Variants in SBNO2 observed in about 807,000 individuals in gnomAD.
The protein encoded by SBNO2 is strawberry notch homolog 2, also known as protein strawberry notch homolog 2.
Under a neutral mutation model 146.3 loss-of-function variants are expected in SBNO2, and 89 were observed. The observed-to-expected ratio is 0.61, with a 90% CI of 0.51 to 0.73. SBNO2 has a LOEUF of 0.73. Ranked by LOEUF, SBNO2 falls within the 30% of genes least tolerant of loss-of-function variation. SBNO2 has a pLI of 0.00. For synonymous variants in SBNO2, 1,147 were observed against 892.6 expected (o/e 1.29, Z -5.08); for missense variants, 2,092 against 2,003.7 (o/e 1.04, Z -0.84).
chr19:1,109,880 A>G lies in SBNO2; in HGVS notation c.3029-103T>C. 1.3e-6 allele frequency: 1 copy of G among 776,364 alleles called. No individual in the cohort carries two copies. Among genetic ancestry groups the G allele is most frequent in the Non-Finnish European group, 2.0e-6 (1 of 488,298 alleles). 48.1% of individuals were successfully genotyped at this position (776,364 alleles called of 1,614,324 possible). A position where few individuals can be genotyped will look rare whatever the true frequency, so the allele number is the denominator to read the frequency against. ...GGCGCACCCTAGAGACGACCCCCCG[A>G]GAGCACAGGAGAGGGTGTCCTGGAT... On this transcript the variant is annotated intron_variant, in intron 26 of 31. Transcript: ENST00000361757. This position sits in a 1 kb window ranked among gnomAD's most constrained non-coding sequence, Gnocchi z 4.2.
rs772992512 is a variant in SBNO2, at chr19:1,150,996, C to T, written c.94-1554G>A. Reference sequence around the variant, plus strand: ...GCAGCCTGGGCACCCTGAGCTCCTGCACCCGTGAGAAGACCCCGTGCAAGT... The same window carrying T: ...GCAGCCTGGGCACCCTGAGCTCCTGTACCCGTGAGAAGACCCCGTGCAAGT... On this transcript the variant is annotated intron_variant, in intron 2 of 31. Transcript: ENST00000361757. The surrounding 1 kb of genome is among the most constrained non-coding windows in gnomAD (Gnocchi z 6.2). 2.6e-5 allele frequency among the ~76,000 whole-genome samples: 4 copies of T among 152,384 alleles called. No individual in the cohort carries two copies. Among genetic ancestry groups the T allele is most frequent in the Non-Finnish European group, 5.9e-5 (4 of 68,032 alleles).
rs775972341 is a variant in SBNO2 at position 1,109,420 on chromosome 19, G to T, written c.3220C>A (p.Arg1074Ser). Residue 1074 changes from arginine to serine, a missense_variant, in exon 29 of 32, where the codon CGC becomes AGC. Transcript: ENST00000361757. This position sits in a 1 kb window ranked among gnomAD's most constrained non-coding sequence, Gnocchi z 4.2. The stretch of plus-strand genomic sequence containing the variant: ...AGCAGGCAGCTGGGCTTGTTACCGC[G>T]GACCTGCGGAGGGGGGCGTTGAGGC... ...YDGFYLSYKV[R>S]GNKPSCLLAE... The T allele has an allele frequency of 5.8e-6, 9 of 1,564,532 alleles. No homozygotes were observed. The South Asian group carries it at 5.8e-5, about 10-fold the overall frequency.
chr19:1,171,682 C>A (rs1025628189), intron 1 of SBNO2, among the ~76,000 whole-genome samples: 2 of 152,146 alleles, frequency 1.3e-5, no homozygotes, highest in South Asian at 4.1e-4. Context: ...TCCGTGACTC[C>A]GCTGGAGCCG....
intron 1 of SBNO2, among the ~76,000 whole-genome samples, chr19:1,167,490 C>A (rs1294057490): frequency 6.6e-6 from 1 of 152,330 alleles, no homozygotes; most frequent in East Asian, 1.9e-4. Context: ...TGGGCTGAGG[C>A]CCCACTTCCC....
In SBNO2 at chr19:1,117,507, G is replaced by T; in HGVS notation, c.1528-8C>A. 1 of 1,570,900 alleles carries T rather than the reference G, an allele frequency of 6.4e-7. No individual in the cohort carries two copies. The highest frequency in any genetic ancestry group is 8.6e-7 in the Non-Finnish European group (1 of 1,159,976). On this transcript the variant is annotated splice_region_variant and splice_polypyrimidine_tract_variant and intron_variant, in intron 14 of 31. Coordinates refer to ENST00000361757, the MANE Select transcript of SBNO2 (RefSeq NM_014963.3). ...GTTCAGGGCCTCGGCCCACTGCAAT[G>T]ACACGTCACAAGGCGCCCCTGAGCT...
Position 1,140,433 on chromosome 19 carries a change from T to G in SBNO2, c.279+6876A>C, listed in dbSNP as rs79829474. ...CACCCACCAGGGACATTGAGCCTGA[T>G]GGCTTCGCGCCAACCTGGAGACGGA... On this transcript the variant is annotated intron_variant, in intron 4 of 31. Transcript: ENST00000361757. This position sits in a 1 kb window ranked among gnomAD's most constrained non-coding sequence, Gnocchi z 4.4. Among the ~76,000 whole-genome samples, 13,692 of 152,166 alleles carry G rather than the reference T, an allele frequency of 0.09. 765 individuals carry two copies. Among genetic ancestry groups the G allele is most frequent in the East Asian group, 0.14 (745 of 5,174 alleles).
Position 1,157,350 on chromosome 19 carries a change from T to A in SBNO2, c.-126-2948A>T, listed in dbSNP as rs1403825132. On this transcript the variant is annotated intron_variant, in intron 1 of 31. Transcript: ENST00000361757. This position sits in a 1 kb window ranked among gnomAD's most constrained non-coding sequence, Gnocchi z 6.8. ...CTGCCACGCAGCCCCGGAGACGCTC[T>A]CCCCACGCGGCCCCGGAGACCCTCT... Among the ~76,000 whole-genome samples the A allele has an allele frequency of 1.3e-5, 2 of 150,264 alleles. No homozygotes were observed. The highest frequency in any genetic ancestry group is 3.0e-5 in the Non-Finnish European group (2 of 67,758).
In SBNO2 at chr19:1,117,471, T is replaced by C. The variant is rs776595068; in HGVS notation, c.1556A>G (p.Gln519Arg). Reference sequence around the variant, plus strand: ...CTCCAGGCCGATCCAGTCGGCCGCCTGCTGGAACACGTTCAGGGCCTCGGC... The same window carrying C: ...CTCCAGGCCGATCCAGTCGGCCGCCCGCTGGAACACGTTCAGGGCCTCGGC... ...LWAEALNVFQ[Q>R]AADWIGLESR... Residue 519 changes from glutamine to arginine, a missense_variant, in exon 15 of 32, where the codon CAG (glutamine) becomes CGG (arginine). Transcript: ENST00000361757. The C allele has an allele frequency of 2.5e-6, 4 of 1,587,534 alleles. No individual in the cohort carries two copies. The East Asian group carries it at 9.3e-5, about 37-fold the overall frequency.
At position 1,113,846 on chromosome 19, in the gene SBNO2, C is replaced by T. The variant is rs115170339; in HGVS notation, c.2078-142G>A. On this transcript the variant is annotated intron_variant, in intron 18 of 31. Coordinates refer to ENST00000361757, the MANE Select transcript of SBNO2 (RefSeq NM_014963.3). ...GGCAGGGTGGCGGGGAAGCCCGGCA[C>T]CGTGGCCCAGGACTGCTTTTCTGCA... 6,434 of 1,144,796 alleles carry T rather than the reference C, an allele frequency of 5.6e-3. 284 individuals carry two copies. In the African/African-American group the frequency reaches 0.095, roughly 17 times the overall value. 70.9% of individuals were successfully genotyped at this position (1,144,796 alleles called of 1,614,324 possible).
Position 1,111,036 on chromosome 19 carries a change from C to A in SBNO2, c.2867G>T (p.Cys956Phe). The A allele has an allele frequency of 1.3e-6, 2 of 1,577,436 alleles. No individual in the cohort carries two copies. The highest frequency in any genetic ancestry group is 1.7e-6 in the Non-Finnish European group (2 of 1,162,436). ...GCACTCACCCTTCTCCACGTCCAGG[C>A]AGCCATTCCGGGACTCCCGGCCACC... is the stretch of plus-strand genomic sequence containing the variant. ...GIGGRESRNGCLDVEKDCSIT... is the reference protein window; with the variant it reads ...GIGGRESRNGFLDVEKDCSIT... The change falls in exon 25 of 32, where the codon TGC (cysteine) becomes TTC (phenylalanine). Residue 956 changes from cysteine (C) to phenylalanine (F), a missense_variant. Coordinates refer to ENST00000361757, the MANE Select transcript of SBNO2 (RefSeq NM_014963.3).
chr19:1,115,699 G>A, intron 17 of SBNO2: 1 of 461,066 alleles, frequency 2.2e-6, no homozygotes, highest in Non-Finnish European at 3.9e-6. Flanking sequence ...GGCTCCCCAA[G>A]GGACCGTGGA....
At chr19:1,142,125 C>T (rs2080144724) in intron 4 of SBNO2, among the ~76,000 whole-genome samples, 1 of 110,372 alleles carries the variant, frequency 9.1e-6, no homozygotes, top group Admixed American at 8.8e-5. Context: ...ATGATCAACC[C>T]TCCCTCAATG....
chr19:1,164,419 A>AGGAGGAC (rs2080382777), intron 1 of SBNO2, among the ~76,000 whole-genome samples: 1 of 9,990 alleles, frequency 1.0e-4, no homozygotes, highest in Non-Finnish European at 2.2e-4. Flanking sequence ...AGGAGGAGGA[A>AGGAGGAC]CAGGAGGAGG....
intron 16 of SBNO2, 84 bp from the exon 17 acceptor site, chr19:1,116,187 G>C: frequency 7.9e-7 from 1 of 1,257,902 alleles, no homozygotes; most frequent in Non-Finnish European, 1.1e-6. Context: ...CGCACCCCTG[G>C]GTCCCTGTGG....
chr19:1,122,492 G>C lies in SBNO2; in HGVS notation c.981C>G (p.Gly327=). The C allele has an allele frequency of 2.5e-6, 4 of 1,573,616 alleles. No individual in the cohort carries two copies. The highest frequency in any genetic ancestry group is 3.4e-6 in the Non-Finnish European group (4 of 1,161,692). ...CCTTGCTGAGCGCGTGCACCGCGATGCCCGTGGCTTCGATGTCCCGCAGGT... is the reference window on the plus strand; with the variant it reads ...CCTTGCTGAGCGCGTGCACCGCGATCCCCGTGGCTTCGATGTCCCGCAGGT... ...ERDLRDIEAT[G]IAVHALSKIK... The change falls in exon 10 of 32, where the codon GGC becomes GGG. Residue 327 remains glycine, a synonymous_variant. Coordinates refer to ENST00000361757, the MANE Select transcript of SBNO2 (RefSeq NM_014963.3).
chr19:1,127,670 C>A lies in SBNO2; in HGVS notation c.375G>T (p.Pro125=), dbSNP rs199745276. Residue 125 remains proline (P), a synonymous_variant, in exon 5 of 32, where the codon CCG becomes CCT. Transcript: ENST00000361757. ...TGGACACCTGGTTGAGGCTGTCAGC[C>A]GGCAGGAAGTCGGGCGTGTCCACGA... ...SDIVDTPDFL[P]ADSLNQVSTI... 804 of 1,613,498 alleles carry A rather than the reference C, an allele frequency of 5.0e-4. 1 individual carries two copies. Among genetic ancestry groups the A allele is most frequent in the Non-Finnish European group, 5.4e-4 (632 of 1,179,862 alleles).
Position 1,116,892 on chromosome 19 carries a change from G to C in SBNO2, c.1739C>G (p.Ala580Gly). The C allele has an allele frequency of 6.4e-7, 1 of 1,573,876 alleles. No homozygotes were observed. The highest frequency in any genetic ancestry group is 1.2e-5 in the South Asian group (1 of 86,632). ...VVIGLQSTGE[A>G]RTREVLGEND... is the part of the protein sequence containing the mutation. ...CTCCCCCAGCACCTCCCGCGTGCGCGCCTCGCCCGTGGACTGCAGCCCGAT... is the reference window on the plus strand; with the variant it reads ...CTCCCCCAGCACCTCCCGCGTGCGCCCCTCGCCCGTGGACTGCAGCCCGAT... Residue 580 changes from alanine to glycine, a missense_variant, in exon 16 of 32, where the codon GCG becomes GGG. By Grantham distance (60) the Ala-to-Gly change is moderately conservative. Transcript: ENST00000361757.
chr19:1,119,457 G>T (rs925974487), intron 13 of SBNO2, 59 bp downstream of exon 13: 19 of 1,334,678 alleles, frequency 1.4e-5, no homozygotes, highest in African/African-American at 1.3e-4. Flanking sequence ...GGGCTGATGG[G>T]CCTGAGGCCT....
In SBNO2 at chr19:1,151,259, C is replaced by T. The variant is rs540631020; in HGVS notation, c.94-1817G>A. ...GGCACACACGGCGCCTTGGGCCAGG[C>T]TGGGCAGGGCCACGGCCAGGGAACT... On this transcript the variant is annotated intron_variant, in intron 2 of 31. Transcript: ENST00000361757. Among the ~76,000 whole-genome samples, 678 of 152,274 alleles carry T rather than the reference C, an allele frequency of 4.5e-3. 5 individuals are homozygous for T. Among genetic ancestry groups the T allele is most frequent in the African/African-American group, 0.015 (643 of 41,556 alleles).
Sources: allele counts gnomAD v4.1 joint callset (sites outside exome capture counted in the v4.1 genomes callset), GRCh38; gene constraint gnomAD v4.1.1; non-coding constraint Gnocchi (gnomAD v3.1); transcripts MANE v1.5; gene names NCBI Gene and HGNC (gene_info 2026-07-23, HGNC 2026-07-21).